The following GRK4 variants were observed in gnomAD, a reference collection of about 807,000 sequenced individuals.
GRK4 encodes G protein-coupled receptor kinase 2-like.
A neutral mutation model predicts 77.9 loss-of-function variants in GRK4; 73 were observed. That is an observed-to-expected ratio of 0.94 (90% CI 0.78 to 1.14). The LOEUF (loss-of-function observed/expected upper bound fraction) is 1.14. Ranked by LOEUF, GRK4 falls within the 50% of genes most tolerant of loss-of-function variation. The pLI is 0.00. For synonymous variants in GRK4, 257 were observed against 254.4 expected, an observed-to-expected ratio of 1.01 and a Z score of -0.10; for missense variants, 729 against 700.2, an observed-to-expected ratio of 1.04 and a Z score of -0.46.
intron 6 of GRK4, among the ~76,000 whole-genome samples, chr4:3,008,759 C>T (rs1732036566): frequency 6.6e-6 from 1 of 150,508 alleles, no homozygotes; most frequent in African/African-American, 2.5e-5. Context: ...GCTGAGGTGG[C>T]TCCACTGCAC....
chr4:3,001,851 C>T (rs1256252733), intron 4 of GRK4, among the ~76,000 whole-genome samples: 3 of 152,192 alleles, frequency 2.0e-5, no homozygotes, highest in African/African-American at 7.2e-5. Flanking sequence ...TCGCTTGGCC[C>T]TATCACAGTC....
intron 7 of GRK4, 78 bp downstream of exon 7, chr4:3,009,789 A>G: frequency 1.0e-6 from 1 of 1,004,418 alleles, no homozygotes; most frequent in Admixed American, 1.8e-5. Context: ...GCTTCAGGTA[A>G]TGCATCAGCT....
chr4:2,995,301 T>C (rs1727474937), intron 4 of GRK4, among the ~76,000 whole-genome samples: 1 of 152,098 alleles, frequency 6.6e-6, no homozygotes, highest in Admixed American at 6.5e-5. Context: ...GCTCACAGTT[T>C]TAGAGGCTAG....
chr4:3,038,176 G>A (rs1002910131), intron 14 of GRK4, among the ~76,000 whole-genome samples, 200 bp from the exon 15 acceptor site: 5 of 152,222 alleles, frequency 3.3e-5, no homozygotes, highest in African/African-American at 1.2e-4. Flanking sequence ...CAGAGACAAG[G>A]GGAGAGGAGA....
chr4:2,996,040 C>T (rs79448282), intron 4 of GRK4, among the ~76,000 whole-genome samples: 4,634 of 151,946 alleles, frequency 0.03, 112 homozygotes, highest in Middle Eastern at 0.055. Flanking sequence ...CCTGATAATT[C>T]GAAGGGGCTC....
In GRK4 at chr4:2,973,399, GT is replaced by G. The variant is rs575199469; in HGVS notation, c.52+9279del. ...GGCTTGAAAGAAGCTCCTGTCACCA[GT>G]TCACGCCTGCAGGCTGGGCCTCTCC... is the stretch of plus-strand genomic sequence containing the variant. On this transcript the variant is annotated intron_variant, in intron 1 of 15. Transcript: ENST00000398052. Among the ~76,000 whole-genome samples, 171 of 152,242 alleles carry G rather than the reference GT, an allele frequency of 1.1e-3. 1 individual carries two copies. Among genetic ancestry groups the G allele is most frequent in the African/African-American group, 3.9e-3 (161 of 41,534 alleles).
chr4:2,981,315 T>C (rs1398681833), intron 1 of GRK4, among the ~76,000 whole-genome samples: 1 of 152,212 alleles, frequency 6.6e-6, no homozygotes, highest in Non-Finnish European at 1.5e-5. Context: ...GGGTCCCAAG[T>C]TCTTGTCCCA....
At chr4:3,009,550 G>A (rs1432944793) in intron 6 of GRK4, 98 bp from the exon 7 acceptor site, 3 of 866,608 alleles carry the variant, frequency 3.5e-6, no homozygotes, top group African/African-American at 1.7e-5. Flanking sequence ...GAGCAGAATG[G>A]TTCAATAAAT....
chr4:3,029,108 C>T (rs1276894477), intron 11 of GRK4, 93 bp from the exon 12 acceptor site: 6 of 949,072 alleles, frequency 6.3e-6, no homozygotes, highest in Non-Finnish European at 9.7e-6. Flanking sequence ...CATGTTGTCA[C>T]ACACGTTGAA....
At chr4:2,996,674 A>G (rs1288092305) in intron 4 of GRK4, among the ~76,000 whole-genome samples, 2 of 151,904 alleles carry the variant, frequency 1.3e-5, no homozygotes, top group East Asian at 3.9e-4. Flanking sequence ...ACTTGGTAAT[A>G]GAGAGATGTT....
chr4:2,993,009 T>G (rs1336483315), intron 4 of GRK4, among the ~76,000 whole-genome samples: 1 of 152,108 alleles, frequency 6.6e-6, no homozygotes, highest in Non-Finnish European at 1.5e-5. Context: ...CATCAATTAA[T>G]TAATCTTTAA....
intron 1 of GRK4, chr4:2,966,625 G>C (rs1387592503): frequency 6.6e-6 from 1 of 152,096 alleles, no homozygotes; most frequent in Non-Finnish European, 1.5e-5. Context: ...TTATAATTTA[G>C]GGCTTTTTCC....
In GRK4 at chr4:2,973,737, T is replaced by C. The variant is rs577803171; in HGVS notation, c.52+9615T>C. On this transcript the variant is annotated intron_variant, in intron 1 of 15. Coordinates refer to ENST00000398052, the MANE Select transcript of GRK4 (RefSeq NM_182982.3). ...GGAACACCGTGGTCAGCTTCTGCCT[T>C]TTCCCCCTGACAGCCCGTTCTCAGC... Among the ~76,000 whole-genome samples the C allele has an allele frequency of 6.4e-4, 98 of 152,278 alleles. 2 individuals are homozygous for C. Among genetic ancestry groups the C allele is most frequent in the Middle Eastern group, 3.4e-3 (1 of 294 alleles).
intron 1 of GRK4, chr4:2,965,684 TCTAAAACAAAGA>T (rs1717434226): frequency 1.8e-6 from 1 of 548,816 alleles, no homozygotes; most frequent in African/African-American, 1.9e-5. Flanking sequence ...TTTAAAAAAG[TCTAAAACAAAGA>T]CTTCATCTTC....
intron 1 of GRK4, among the ~76,000 whole-genome samples, chr4:2,972,284 C>T (rs1201803353): frequency 6.6e-6 from 1 of 152,208 alleles, no homozygotes; most frequent in Admixed American, 6.5e-5. Context: ...CCACCGTTGA[C>T]CTCGCCATGG....
At chr4:3,028,447 G>T (rs189904901) in intron 11 of GRK4, among the ~76,000 whole-genome samples, 2 of 152,306 alleles carry the variant, frequency 1.3e-5, no homozygotes, top group African/African-American at 4.8e-5. Context: ...AGGTCTTGTG[G>T]CTTTCCGCTC....
intron 1 of GRK4, 28 bp downstream of exon 1, chr4:2,964,150 C>A: frequency 2.6e-6 from 4 of 1,557,898 alleles, no homozygotes; most frequent in Non-Finnish European, 3.5e-6. Flanking sequence ...GCCCCCGACC[C>A]CCCCCCCAGA....
chr4:3,010,908 G>A (rs73084117), intron 7 of GRK4, among the ~76,000 whole-genome samples: 7,219 of 152,214 alleles, frequency 0.047, 256 homozygotes, highest in African/African-American at 0.097. Context: ...ATTGGCCAAC[G>A]TAGTTGTTAC....
intron 1 of GRK4, among the ~76,000 whole-genome samples, chr4:2,974,764 G>T (rs969046164): frequency 8.5e-5 from 13 of 152,152 alleles, no homozygotes; most frequent in Admixed American, 8.5e-4. Context: ...AGATTTTGGT[G>T]CACCTGTCAC....
Sources: allele counts gnomAD v4.1 joint callset (sites outside exome capture counted in the v4.1 genomes callset), GRCh38; gene constraint gnomAD v4.1.1; transcripts MANE v1.5; gene names NCBI Gene and HGNC (gene_info 2026-07-23, HGNC 2026-07-21).